The following VSIG1 variants were observed in gnomAD, a reference collection of about 807,000 sequenced individuals.
The protein encoded by VSIG1 is V-set and immunoglobulin domain containing 1, also known as V-set and immunoglobulin domain-containing protein 1.
Under a neutral mutation model 20.1 loss-of-function variants are expected in VSIG1, and 11 were observed. That is an observed-to-expected ratio of 0.55 (90% CI 0.34 to 0.91). The LOEUF is 0.91. VSIG1 is among the 40% of genes least tolerant of loss of function. VSIG1 has a pLI of 0.02. For synonymous variants in VSIG1, 126 were observed against 116.7 expected (o/e 1.08, Z -0.52); for missense variants, 283 against 298.8 (o/e 0.95, Z 0.39).
chrX:108,071,892 CAAAA>C (rs1203449181), intron 3 of VSIG1, among the ~76,000 whole-genome samples: 2 of 36,397 alleles, frequency 5.5e-5, no homozygotes, highest in African/African-American at 1.7e-4. Flanking sequence ...TGAACAAATG[CAAAA>C]AAAAAAAAAA....
intron 6 of VSIG1, 126 bp downstream of exon 6, chrX:108,076,344 T>C: frequency 1.2e-6 from 1 of 849,293 alleles, no homozygotes; most frequent in Non-Finnish European, 1.6e-6. Context: ...TTTACTCTCA[T>C]TGAATTTAAA....
intron 2 of VSIG1, chrX:108,064,724 G>A (rs1420348223): frequency 3.6e-5 from 27 of 751,435 alleles, no homozygotes; most frequent in Admixed American, 1.8e-4. Flanking sequence ...CTTGGGAGGA[G>A]GGGAAGTGGC....
chrX:108,045,388 T>C (rs1446688873), intron 1 of VSIG1, among the ~76,000 whole-genome samples: 1 of 112,697 alleles, frequency 8.9e-6, no homozygotes, highest in African/African-American at 3.2e-5. Context: ...TATTGTTTTA[T>C]GGAGCTTCTG....
chrX:108,048,987 C>T (rs1272611233), intron 1 of VSIG1, among the ~76,000 whole-genome samples: 2 of 112,150 alleles, frequency 1.8e-5, no homozygotes, highest in Non-Finnish European at 3.8e-5. Flanking sequence ...TAACTTTTAG[C>T]TCTGAAGCAT....
At chrX:108,030,841 T>A in the VSIG1 span, among the ~76,000 whole-genome samples, 1 of 111,896 alleles carries the variant, frequency 8.9e-6, no homozygotes, top group African/African-American at 3.3e-5. Context: ...GTGATCTTTG[T>A]AAGCTGGTGA....
chrX:108,042,909 G>A (rs780197274), upstream of VSIG1, among the ~76,000 whole-genome samples: 19 of 109,519 alleles, frequency 1.7e-4, no homozygotes, highest in Non-Finnish European at 2.7e-4. Context: ...TCAATGAAAC[G>A]TTTTTTTTTC....
chrX:108,067,395 A>G (rs781069049), intron 3 of VSIG1, among the ~76,000 whole-genome samples: 1 of 111,572 alleles, frequency 9.0e-6, no homozygotes, highest in Non-Finnish European at 1.9e-5. Flanking sequence ...AGTGATCCCT[A>G]TCTCTGAGGG....
chrX:108,053,305 C>T (rs1478225349), intron 1 of VSIG1, among the ~76,000 whole-genome samples: 1 of 111,445 alleles, frequency 9.0e-6, no homozygotes, highest in Admixed American at 9.5e-5. Flanking sequence ...AATTATAACA[C>T]CATTTTATAC....
At chrX:108,056,473 T>C (rs2030900652) in intron 1 of VSIG1, among the ~76,000 whole-genome samples, 1 of 111,533 alleles carries the variant, frequency 9.0e-6, no homozygotes, top group Non-Finnish European at 1.9e-5. Context: ...AATGAAGAAA[T>C]AAAACTCTCT....
rs754454046 is a variant in VSIG1 at position 108,058,176 on chromosome X, A to G, written c.188A>G (p.His63Arg). The change falls in exon 2 of 7, where the codon CAT becomes CGT. Residue 63 changes from histidine to arginine, a missense_variant. Coordinates refer to ENST00000217957, the MANE Select transcript of VSIG1 (RefSeq NM_182607.5). ...CTTTCCATCCAGTGGTCTTTCTTCC[A>G]TAAGAAGGAGATGGAGCCAATTTCT... ...EQLSIQWSFFHKKEMEPISIY... is the reference protein window; with the variant it reads ...EQLSIQWSFFRKKEMEPISIY... 7 of 1,207,287 alleles carry G rather than the reference A, an allele frequency of 5.8e-6. No homozygotes were observed. The highest frequency in any genetic ancestry group is 3.0e-5 in the East Asian group (1 of 33,671).
chrX:108,047,797 T>TATATATAC (rs2030621026), intron 1 of VSIG1, among the ~76,000 whole-genome samples: 4 of 69,221 alleles, frequency 5.8e-5, no homozygotes, highest in African/African-American at 1.9e-4. Flanking sequence ...TCTCTATATA[T>TATATATAC]ATATATATAT....
At chrX:108,024,261 A>G in the VSIG1 span, among the ~76,000 whole-genome samples, 2 of 111,391 alleles carry the variant, frequency 1.8e-5, no homozygotes, top group African/African-American at 6.5e-5. Flanking sequence ...CTGATAATTC[A>G]TTTTTAAAAT....
At chrX:108,022,683 T>G in the VSIG1 span, among the ~76,000 whole-genome samples, 1 of 112,077 alleles carries the variant, frequency 8.9e-6, no homozygotes, top group Non-Finnish European at 1.9e-5. Context: ...TGTGGGGTTT[T>G]CATAGATGCC....
chrX:108,076,235 T>C lies in VSIG1; in HGVS notation c.830+17T>C, dbSNP rs180942700. On this transcript the variant is annotated intron_variant, in intron 6 of 6. Transcript: ENST00000217957. Reference sequence around the variant, plus strand: ...GGAACTTGAGTAAGCCTTCATTTTGTTGTCTTTACTTGAATACAAACATTT... The same window carrying C: ...GGAACTTGAGTAAGCCTTCATTTTGCTGTCTTTACTTGAATACAAACATTT... 9.8e-4 allele frequency: 1,173 copies of C among 1,194,425 alleles called. 8 individuals carry two copies. In the African/African-American group the frequency reaches 0.017, roughly 18 times the overall value.
intron 6 of VSIG1, 114 bp from the exon 7 acceptor site, chrX:108,076,933 AT>A: frequency 1.3e-6 from 1 of 749,487 alleles, no homozygotes; most frequent in Non-Finnish European, 1.9e-6. Flanking sequence ...GAAATAACAG[AT>A]TTCCTGAAGT....
the VSIG1 span, among the ~76,000 whole-genome samples, chrX:108,030,117 A>G: frequency 1.8e-5 from 2 of 111,652 alleles, no homozygotes; most frequent in Non-Finnish European, 3.8e-5. Flanking sequence ...GAGAGTCCCA[A>G]ATGAACCACT....
At chrX:108,051,526 A>G (rs2030785048) in intron 1 of VSIG1, among the ~76,000 whole-genome samples, 1 of 112,241 alleles carries the variant, frequency 8.9e-6, no homozygotes, top group African/African-American at 3.2e-5. Context: ...AAATAATGTG[A>G]CTGACTGCAA....
the VSIG1 span, among the ~76,000 whole-genome samples, chrX:108,036,426 C>T: frequency 1.8e-5 from 2 of 110,513 alleles, no homozygotes; most frequent in Non-Finnish European, 3.8e-5. Context: ...TTGTACAGTG[C>T]GTCAACACAA....
At chrX:108,055,491 C>T (rs1390095648) in intron 1 of VSIG1, among the ~76,000 whole-genome samples, 1 of 111,582 alleles carries the variant, frequency 9.0e-6, no homozygotes, top group African/African-American at 3.3e-5. Context: ...CAAAACCAGA[C>T]AAAAACAGTA....
Sources: allele counts gnomAD v4.1 joint callset (sites outside exome capture counted in the v4.1 genomes callset), GRCh38; gene constraint gnomAD v4.1.1; transcripts MANE v1.5; gene names NCBI Gene and HGNC (gene_info 2026-07-23, HGNC 2026-07-21).